Variants in HCN1 observed in about 807,000 individuals in gnomAD.
The protein encoded by HCN1 is hyperpolarization activated cyclic nucleotide gated potassium channel 1, also known as potassium/sodium hyperpolarization-activated cyclic nucleotide-gated channel 1.
Under a neutral mutation model 78.9 loss-of-function variants are expected in HCN1, and 13 were observed. That is an observed-to-expected ratio of 0.16 (90% CI 0.11 to 0.26). The LOEUF is 0.26. Ranked by LOEUF, HCN1 falls within the 10% of genes least tolerant of loss-of-function variation. The probability of loss-of-function intolerance (pLI) is 1.00; values close to 1 mark genes in which losing one functional copy is unlikely to be tolerated. For missense variants in HCN1, 810 were observed against 1,154.3 expected, an observed-to-expected ratio of 0.70 and a Z score of 4.32; for synonymous variants, 552 against 455.5, an observed-to-expected ratio of 1.21 and a Z score of -2.70.
intron 6 of HCN1, among the ~76,000 whole-genome samples, chr5:45,291,210 T>G (rs980059013): frequency 8.5e-5 from 13 of 152,186 alleles, no homozygotes; most frequent in African/African-American, 3.1e-4. Flanking sequence ...CTCCAATAAC[T>G]TTTCTCTCTC....
At chr5:45,612,476 T>C (rs538225417) in intron 2 of HCN1, among the ~76,000 whole-genome samples, 4 of 152,312 alleles carry the variant, frequency 2.6e-5, no homozygotes, top group African/African-American at 7.2e-5. Flanking sequence ...ATTGAAATCA[T>C]TTTATTATTT....
intron 2 of HCN1, among the ~76,000 whole-genome samples, chr5:45,483,612 C>A (rs2111680938): frequency 6.6e-6 from 1 of 152,220 alleles, no homozygotes; most frequent in East Asian, 1.9e-4. Context: ...TGTTCAGAAG[C>A]TCTTTAGTTT....
intron 2 of HCN1, among the ~76,000 whole-genome samples, chr5:45,547,729 A>T (rs1743258680): frequency 6.6e-6 from 1 of 151,912 alleles, no homozygotes; most frequent in Admixed American, 6.6e-5. Flanking sequence ...TACATCAGAG[A>T]TATGTGTCAT....
intron 4 of HCN1, among the ~76,000 whole-genome samples, chr5:45,358,059 G>T (rs1747037235): frequency 6.6e-6 from 1 of 151,962 alleles, no homozygotes; most frequent in Non-Finnish European, 1.5e-5. Context: ...CAATACTGAT[G>T]CCCAAACTTG....
chr5:45,685,661 A>G (rs578261500), intron 1 of HCN1, among the ~76,000 whole-genome samples: 1 of 152,254 alleles, frequency 6.6e-6, no homozygotes, highest in African/African-American at 2.4e-5. Context: ...GCGGTGAGCC[A>G]ACATCGTGCC....
At chr5:45,319,455 C>A (rs1225718158) in intron 5 of HCN1, among the ~76,000 whole-genome samples, 1 of 151,834 alleles carries the variant, frequency 6.6e-6, no homozygotes, top group Non-Finnish European at 1.5e-5. Flanking sequence ...TGCATTTTCC[C>A]ATGAGTATCC....
At chr5:45,520,397 G>A (rs545475531) in intron 2 of HCN1, among the ~76,000 whole-genome samples, 32 of 152,060 alleles carry the variant, frequency 2.1e-4, no homozygotes, top group African/African-American at 6.5e-4. Flanking sequence ...ATATCACCTA[G>A]TAATTGGTTT....
At chr5:45,275,730 G>T (rs182140603) in intron 6 of HCN1, among the ~76,000 whole-genome samples, 1 of 152,054 alleles carries the variant, frequency 6.6e-6, no homozygotes, top group Non-Finnish European at 1.5e-5. Flanking sequence ...TCAGGTAGCC[G>T]CGTGTTAGCC....
At chr5:45,349,587 T>A (rs1338399898) in intron 5 of HCN1, among the ~76,000 whole-genome samples, 2 of 152,034 alleles carry the variant, frequency 1.3e-5, no homozygotes, top group Non-Finnish European at 2.9e-5. Context: ...ATGCAGGAGC[T>A]GGTTTTTTGA....
chr5:45,568,183 T>A (rs955615961), intron 2 of HCN1, among the ~76,000 whole-genome samples: 2 of 152,138 alleles, frequency 1.3e-5, no homozygotes, highest in African/African-American at 4.8e-5. Context: ...ATTTTCTCTT[T>A]CTTGAGCAAA....
chr5:45,560,761 C>T lies in HCN1; in HGVS notation c.849+84424G>A, dbSNP rs187992774. ...AATCAACTGCTCTATGAGTCTAATG[C>T]TGTTTATCTAGTAATAATCTGAAGA... On this transcript the variant is annotated intron_variant, in intron 2 of 7. Transcript: ENST00000303230. Among the ~76,000 whole-genome samples the T allele has an allele frequency of 2.5e-3, 373 of 152,070 alleles. 2 individuals carry two copies. Among genetic ancestry groups the T allele is most frequent in the Admixed American group, 1.4e-3 (21 of 15,246 alleles).
chr5:45,600,694 T>C (rs1048811807), intron 2 of HCN1, among the ~76,000 whole-genome samples: 4 of 152,086 alleles, frequency 2.6e-5, no homozygotes, highest in African/African-American at 7.2e-5. Flanking sequence ...CATAGAGATG[T>C]TGAACAAACC....
intron 2 of HCN1, among the ~76,000 whole-genome samples, chr5:45,561,406 C>G (rs1303875254): frequency 6.6e-6 from 1 of 151,928 alleles, no homozygotes; most frequent in Non-Finnish European, 1.5e-5. Flanking sequence ...CAAAAAAGTT[C>G]AATACCATTA....
At chr5:45,664,801 A>G (rs1486902325) in intron 1 of HCN1, among the ~76,000 whole-genome samples, 2 of 151,890 alleles carry the variant, frequency 1.3e-5, no homozygotes, top group Admixed American at 6.5e-5. Context: ...AGGAAACAAC[A>G]GGTGCTGGAG....
rs557249608 is a variant in HCN1, at chr5:45,629,998, A to ACCCCAGAGGCTGCTCTGAGGGAGTC, written c.849+15162_849+15186dup. On this transcript the variant is annotated intron_variant, in intron 2 of 7. Coordinates refer to ENST00000303230, the MANE Select transcript of HCN1 (RefSeq NM_021072.4). ...ATAAAGATTAATTTATAGTTGATATACCCCAGAGGCTGCTCTGAGGGAGTC... is the reference window on the plus strand; with the variant it reads ...ATAAAGATTAATTTATAGTTGATATACCCCAGAGGCTGCTCTGAGGGAGTCCCCCAGAGGCTGCTCTGAGGGAGTC... Among the ~76,000 whole-genome samples the ACCCCAGAGGCTGCTCTGAGGGAGTC allele has an allele frequency of 2.9e-4, 44 of 152,266 alleles. No individual in the cohort carries two copies. In the East Asian group the frequency reaches 6.8e-3, roughly 23 times the overall value.
chr5:45,408,604 G>C (rs1000865810), intron 3 of HCN1, among the ~76,000 whole-genome samples: 2 of 152,106 alleles, frequency 1.3e-5, no homozygotes, highest in African/African-American at 2.4e-5. Context: ...TTCTCAGAGT[G>C]TTTCTTCATC....
chr5:45,522,550 A>C (rs1038012749), intron 2 of HCN1, among the ~76,000 whole-genome samples: 1 of 151,990 alleles, frequency 6.6e-6, no homozygotes, highest in Non-Finnish European at 1.5e-5. Context: ...CTGCAGTTTT[A>C]CCCAAAAGAT....
chr5:45,687,553 G>A (rs1415289978), intron 1 of HCN1, among the ~76,000 whole-genome samples: 7 of 151,880 alleles, frequency 4.6e-5, no homozygotes, highest in Middle Eastern at 3.4e-3. Flanking sequence ...TCATAGCAAC[G>A]TGTTCTTATT....
intron 1 of HCN1, among the ~76,000 whole-genome samples, chr5:45,689,825 C>A (rs942063183): frequency 6.6e-6 from 1 of 152,088 alleles, no homozygotes; most frequent in African/African-American, 2.4e-5. Context: ...TTTTAAAGAT[C>A]ACTCTTGTCA....
Sources: gnomAD v4.1 joint callset for allele counts (sites outside exome capture counted in the v4.1 genomes callset) on GRCh38, gnomAD v4.1.1 for gene constraint, MANE v1.5 for transcripts, NCBI Gene and HGNC (gene_info 2026-07-23, HGNC 2026-07-21) for gene names.